DSCAML1: variants seen among roughly 807,000 people sequenced by gnomAD.
DSCAML1 encodes the protein DS cell adhesion molecule like 1, also known as cell adhesion molecule DSCAML1.
DSCAML1 carries 38 observed loss-of-function variants against 200.5 expected under a neutral mutation model. That is an observed-to-expected ratio of 0.19 (90% CI 0.15 to 0.25). The LOEUF (loss-of-function observed/expected upper bound fraction) is 0.25, where lower values mean the gene tolerates loss of function less well. Ranked by LOEUF, DSCAML1 falls within the 10% of genes least tolerant of loss-of-function variation. The pLI is 1.00. For missense variants in DSCAML1, 2,223 were observed against 2,858.8 expected (o/e 0.78, Z 5.07); for synonymous variants, 1,215 against 1,165.0 (o/e 1.04, Z -0.87).
chr11:117,647,559 G>A (rs1460801467), intron 3 of DSCAML1, among the ~76,000 whole-genome samples: 1 of 152,236 alleles, frequency 6.6e-6, no homozygotes, highest in African/African-American at 2.4e-5. Flanking sequence ...ACTCCAGGCT[G>A]AGGCCTGATA....
At chr11:117,779,350 G>A (rs1043547561) in intron 2 of DSCAML1, among the ~76,000 whole-genome samples, 1 of 151,954 alleles carries the variant, frequency 6.6e-6, no homozygotes, top group Non-Finnish European at 1.5e-5. Context: ...TGTCCCCTTG[G>A]CCTCCCGACA....
intron 3 of DSCAML1, among the ~76,000 whole-genome samples, chr11:117,712,605 G>C (rs1462886040): frequency 6.6e-6 from 1 of 152,068 alleles, no homozygotes; most frequent in Non-Finnish European, 1.5e-5. Flanking sequence ...TATTTTGTTA[G>C]TTTCTTTTTT....
chr11:117,712,008 TC>T (rs1440338962), intron 3 of DSCAML1, among the ~76,000 whole-genome samples: 3 of 152,224 alleles, frequency 2.0e-5, no homozygotes, highest in African/African-American at 7.2e-5. Context: ...CTTGCTATAT[TC>T]GTTTAGAAAA....
At chr11:117,496,414 T>C (rs999070754) in intron 11 of DSCAML1, among the ~76,000 whole-genome samples, 2 of 152,338 alleles carry the variant, frequency 1.3e-5, no homozygotes, top group African/African-American at 4.8e-5. Flanking sequence ...AATTCTGGGC[T>C]GCCCACTTAG....
At chr11:117,732,181 G>C (rs1475349120) in intron 3 of DSCAML1, among the ~76,000 whole-genome samples, 2 of 152,206 alleles carry the variant, frequency 1.3e-5, no homozygotes, top group Non-Finnish European at 2.9e-5. Context: ...AGCCTCCATG[G>C]TGCACAGGTG....
In DSCAML1 at chr11:117,534,718, T is replaced by G. The variant is rs2050136285; in HGVS notation, c.512-2196A>C. ...TTGACATCCTGGGCTCAAGCGATCC[T>G]CGCACCCCAGCCTCCCCAGTAGCTG... On this transcript the variant is annotated intron_variant, in intron 3 of 32. Transcript: ENST00000651296. Among the ~76,000 whole-genome samples the G allele has an allele frequency of 4.6e-5, 7 of 152,100 alleles. No individual in the cohort carries two copies. The South Asian group carries it at 1.5e-3, about 32-fold the overall frequency.
At chr11:117,482,551 A>G (rs1253839075) in intron 11 of DSCAML1, among the ~76,000 whole-genome samples, 4 of 152,230 alleles carry the variant, frequency 2.6e-5, no homozygotes, top group Non-Finnish European at 5.9e-5. Flanking sequence ...TCTTTACAAA[A>G]TAAGATCCAG....
chr11:117,685,167 G>C (rs1234149578), intron 3 of DSCAML1, among the ~76,000 whole-genome samples: 1 of 152,234 alleles, frequency 6.6e-6, no homozygotes, highest in Non-Finnish European at 1.5e-5. Flanking sequence ...GTGGGCGATA[G>C]ACTTGTGAGG....
At chr11:117,429,329 G>A (rs1326234688) in intron 32 of DSCAML1, among the ~76,000 whole-genome samples, 1 of 152,212 alleles carries the variant, frequency 6.6e-6, no homozygotes, top group Non-Finnish European at 1.5e-5. Flanking sequence ...TCCCATGGCA[G>A]CCTTCCAGAT....
chr11:117,785,909 A>T (rs375887348), intron 1 of DSCAML1, among the ~76,000 whole-genome samples: 10 of 152,302 alleles, frequency 6.6e-5, no homozygotes, highest in East Asian at 5.8e-4. Context: ...TCCTACAGCC[A>T]GGAAGAGATG....
chr11:117,711,057 G>T (rs629060), intron 3 of DSCAML1, among the ~76,000 whole-genome samples: 125,378 of 152,074 alleles, frequency 0.82, 53,900 homozygotes, highest in Non-Finnish European at 0.94. Flanking sequence ...TCCTGTCTTC[G>T]CTAGAGAAAA....
chr11:117,478,339 G>A (rs1415994212), intron 14 of DSCAML1, among the ~76,000 whole-genome samples: 1 of 152,172 alleles, frequency 6.6e-6, no homozygotes, highest in Non-Finnish European at 1.5e-5. Context: ...GCAGTGCCAT[G>A]AGGGATGTCA....
In DSCAML1 at chr11:117,621,586, T is replaced by C. The variant is rs561078508; in HGVS notation, c.512-89064A>G. Among the ~76,000 whole-genome samples, 11 of 152,334 alleles carry C rather than the reference T, an allele frequency of 7.2e-5. No homozygotes were observed. The East Asian group carries it at 2.1e-3, about 29-fold the overall frequency. On this transcript the variant is annotated intron_variant, in intron 3 of 32. Coordinates refer to ENST00000651296, the MANE Select transcript of DSCAML1 (RefSeq NM_020693.4). Reference sequence around the variant, plus strand: ...GTCCATTTTCTTTAAAAAATGTTAATGTACTTGCATCTTGTTATTCAACTG... The same window carrying C: ...GTCCATTTTCTTTAAAAAATGTTAACGTACTTGCATCTTGTTATTCAACTG...
At chr11:117,461,848 C>T (rs1257639478) in intron 17 of DSCAML1, among the ~76,000 whole-genome samples, 1 of 152,208 alleles carries the variant, frequency 6.6e-6, no homozygotes, top group African/African-American at 2.4e-5. Context: ...CTGGGTAGCA[C>T]ATTCCTGGTT....
intron 3 of DSCAML1, among the ~76,000 whole-genome samples, chr11:117,769,150 A>G (rs1281157375): frequency 1.5e-5 from 1 of 66,774 alleles, no homozygotes; most frequent in Non-Finnish European, 2.8e-5. Context: ...TATTATATAT[A>G]TTTTATATAT....
intron 21 of DSCAML1, among the ~76,000 whole-genome samples, chr11:117,443,406 C>A (rs61905305): frequency 6.6e-6 from 1 of 152,336 alleles, no homozygotes; most frequent in South Asian, 2.1e-4. Context: ...TCACAGCACG[C>A]GCTCCGTAAA....
chr11:117,756,232 C>G (rs2054690531), intron 3 of DSCAML1, among the ~76,000 whole-genome samples: 1 of 152,222 alleles, frequency 6.6e-6, no homozygotes, highest in Non-Finnish European at 1.5e-5. Flanking sequence ...GGCAGGTGCC[C>G]AGTGGACTCT....
chr11:117,807,549 G>A (rs1170520650), intron 1 of DSCAML1, among the ~76,000 whole-genome samples: 1 of 152,216 alleles, frequency 6.6e-6, no homozygotes, highest in Non-Finnish European at 1.5e-5. Context: ...TTTGGTCTGT[G>A]GAAGTGGGAA....
rs2048549876 is a variant in DSCAML1, at chr11:117,464,936, C to T, written c.3265+6G>A. ...TGTGCCCACTCCCTTCTGCTGGGGC[C>T]CTCACCATCCTCCAGAGTGGTGGCA... On this transcript the variant is annotated splice_donor_region_variant and intron_variant, in intron 17 of 32. Coordinates refer to ENST00000651296, the MANE Select transcript of DSCAML1 (RefSeq NM_020693.4). 4 of 1,612,688 alleles carry T rather than the reference C, an allele frequency of 2.5e-6. No homozygotes were observed. Among genetic ancestry groups the T allele is most frequent in the East Asian group, 2.2e-5 (1 of 44,836 alleles).
Sources: gnomAD v4.1 joint callset for allele counts (sites outside exome capture counted in the v4.1 genomes callset) on GRCh38, gnomAD v4.1.1 for gene constraint, MANE v1.5 for transcripts, NCBI Gene and HGNC (gene_info 2026-07-23, HGNC 2026-07-21) for gene names.